The following SYNE1 variants were observed in gnomAD, a reference collection of about 807,000 sequenced individuals.
The protein encoded by SYNE1 is nesprin-1.
SYNE1 carries 616 observed loss-of-function variants against 1,111.0 expected under a neutral mutation model. The observed-to-expected ratio is 0.55, with a 90% confidence interval of 0.52 to 0.59. The LOEUF is 0.59. SYNE1 is among the 20% of genes least tolerant of loss of function. The pLI is 0.00. For missense variants in SYNE1, 10,006 were observed against 10,417.0 expected (o/e 0.96, Z 1.72); for synonymous variants, 3,855 against 3,825.8 (o/e 1.01, Z -0.28).
intron 90 of SYNE1, among the ~76,000 whole-genome samples, chr6:152,309,044 C>T (rs1419375081): frequency 1.3e-5 from 2 of 152,116 alleles, no homozygotes; most frequent in African/African-American, 4.8e-5. Flanking sequence ...ATGGGCTGGG[C>T]GCAGTGGCTC....
At chr6:152,622,647 T>G (rs1006491637) in intron 3 of SYNE1, among the ~76,000 whole-genome samples, 2 of 152,214 alleles carry the variant, frequency 1.3e-5, no homozygotes, top group Admixed American at 1.3e-4. Context: ...TGTACCACAT[T>G]TTTTTGTGCA....
In SYNE1 at chr6:152,407,174, T is replaced by C; in HGVS notation, c.6563A>G (p.Asn2188Ser). The change falls in exon 45 of 146, where the codon AAC becomes AGC. Residue 2188 changes from asparagine (N) to serine (S), a missense_variant. Coordinates refer to ENST00000367255, the MANE Select transcript of SYNE1 (RefSeq NM_182961.4). ...WLDVSEKLEENMDRLRVSLSI... is the reference protein window; with the variant it reads ...WLDVSEKLEESMDRLRVSLSI... ...CAGGCTTACTCTCAGCCTATCCATG[T>C]TTTCTTCAAGTTTCTCTGATACCTA... 2 of 1,614,026 alleles carry C rather than the reference T, an allele frequency of 1.2e-6. No homozygotes were observed. Among genetic ancestry groups the C allele is most frequent in the South Asian group, 2.2e-5 (2 of 91,072 alleles).
chr6:152,503,354 C>T (rs949838887), intron 9 of SYNE1, among the ~76,000 whole-genome samples: 7 of 152,092 alleles, frequency 4.6e-5, no homozygotes, highest in South Asian at 2.1e-4. Context: ...AAGCACTCTT[C>T]GAGGGAAACT....
chr6:152,269,232 G>A lies in SYNE1; in HGVS notation c.18628C>T (p.Pro6210Ser), dbSNP rs868377407. Residue 6210 changes from proline to serine, a missense_variant, in exon 99 of 146, where the codon CCC (proline) becomes TCC (serine). Physicochemically the swap from Pro to Ser is moderately conservative, Grantham distance 74. Transcript: ENST00000367255. ...SDVDLTATQS[P>S]GVQEWLAQAR... is the part of the protein sequence containing the mutation. ...TGGGCCAGCCATTCCTGGACGCCGGGGCTCTGCGTGGCTGTTAGGTCAACA... is the reference window on the plus strand; with the variant it reads ...TGGGCCAGCCATTCCTGGACGCCGGAGCTCTGCGTGGCTGTTAGGTCAACA... The A allele has an allele frequency of 3.3e-5, 54 of 1,614,048 alleles. No individual in the cohort carries two copies. The highest frequency in any genetic ancestry group is 5.3e-5 in the African/African-American group (4 of 74,930).
intron 8 of SYNE1, 101 bp from the exon 9 acceptor site, chr6:152,505,498 G>T: frequency 8.0e-7 from 1 of 1,247,376 alleles, no homozygotes; most frequent in Non-Finnish European, 1.1e-6. Flanking sequence ...CCAACGATAT[G>T]CAGAGAGCTG....
chr6:152,431,305 T>G (rs1423566874), intron 34 of SYNE1, among the ~76,000 whole-genome samples: 1 of 152,132 alleles, frequency 6.6e-6, no homozygotes, highest in African/African-American at 2.4e-5. Flanking sequence ...AAGTCTAAGG[T>G]GGGGCTCAAG....
chr6:152,486,126 C>T (rs879773326), intron 12 of SYNE1, among the ~76,000 whole-genome samples: 5 of 151,686 alleles, frequency 3.3e-5, no homozygotes, highest in Non-Finnish European at 4.4e-5. Context: ...GCCTGGGAGG[C>T]GGAGGTTGCA....
chr6:152,449,707 T>C, intron 27 of SYNE1, 66 bp from the exon 28 acceptor site: 3 of 1,241,804 alleles, frequency 2.4e-6, no homozygotes, highest in South Asian at 2.5e-5. Flanking sequence ...ATATGTTTTC[T>C]ATTTTGAATT....
intron 138 of SYNE1, 56 bp downstream of exon 138, chr6:152,143,562 GTTCTT>G: frequency 6.2e-7 from 1 of 1,612,534 alleles, no homozygotes; most frequent in Non-Finnish European, 8.5e-7. Flanking sequence ...CAGACGAACT[GTTCTT>G]TGACACAGAA....
chr6:152,139,110 G>C (rs776725944), intron 140 of SYNE1, among the ~76,000 whole-genome samples: 1 of 152,150 alleles, frequency 6.6e-6, no homozygotes, highest in Non-Finnish European at 1.5e-5. Context: ...GTAGGAGCCA[G>C]GTCATTCTGT....
At chr6:152,241,067 T>A (rs545724350) in intron 107 of SYNE1, among the ~76,000 whole-genome samples, 54 of 152,370 alleles carry the variant, frequency 3.5e-4, no homozygotes, top group Admixed American at 7.2e-4. Flanking sequence ...AGAAGGGCTG[T>A]CTGCTCAATG....
intron 35 of SYNE1, 24 bp downstream of exon 35, chr6:152,430,458 A>C (rs376707166): frequency 8.8e-6 from 14 of 1,587,230 alleles, no homozygotes; most frequent in Middle Eastern, 1.7e-4. Context: ...ATGTAAACTT[A>C]AGTATAGGTG....
chr6:152,383,693 T>C (rs886147739), intron 55 of SYNE1, among the ~76,000 whole-genome samples: 3 of 152,234 alleles, frequency 2.0e-5, no homozygotes, highest in African/African-American at 7.2e-5. Flanking sequence ...GCTCTATACA[T>C]AGGTCTTGGT....
chr6:152,607,080 G>A (rs2099617649), intron 3 of SYNE1, among the ~76,000 whole-genome samples: 1 of 146,134 alleles, frequency 6.8e-6, no homozygotes, highest in Non-Finnish European at 1.5e-5. Context: ...CACCTCCCGG[G>A]TTCACGCCAT....
rs148434531 is a variant in SYNE1, at chr6:152,390,285, A to G, written c.8172T>C (p.Ala2724=). The G allele has an allele frequency of 2.9e-5, 47 of 1,613,844 alleles. No individual in the cohort carries two copies. The highest frequency in any genetic ancestry group is 3.7e-5 in the Non-Finnish European group (44 of 1,179,932). The change falls in exon 53 of 146, where the codon GCT becomes GCC. Residue 2724 remains alanine (A), a synonymous_variant. Coordinates refer to ENST00000367255, the MANE Select transcript of SYNE1 (RefSeq NM_182961.4). ...WADIMSSSVH[A]QSTLESVISQ... ...TCTAAAAATAGGTTCTGTACCTTTG[A>G]GCGTGGACGGAGGAGCTCATGATGT...
Position 152,427,733 on chromosome 6 carries a change from G to C in SYNE1, c.5060C>G (p.Ala1687Gly). ...KASSPEMDIS[A>G]DRVKVEGELQ... ...TTCACCTTCCACTTTGACTCTGTCT[G>C]CAGAAATGTCCATTTCTGGGGAACT... is the stretch of plus-strand genomic sequence containing the variant. Residue 1687 changes from alanine (A) to glycine (G), a missense_variant, in exon 38 of 146, where the codon GCA becomes GGA. Physicochemically the swap from Ala to Gly is moderately conservative, Grantham distance 60. Around this residue, in one of 7 missense-constraint regions of SYNE1, gnomAD observed 1,971 missense variants for 2,084.1 expected, o/e 0.95. Coordinates refer to ENST00000367255, the MANE Select transcript of SYNE1 (RefSeq NM_182961.4). The C allele has an allele frequency of 6.2e-7, 1 of 1,614,016 alleles. No individual in the cohort carries two copies. Among genetic ancestry groups the C allele is most frequent in the Non-Finnish European group, 8.5e-7 (1 of 1,179,930 alleles).
intron 3 of SYNE1, among the ~76,000 whole-genome samples, chr6:152,553,013 A>G (rs1319510641): frequency 6.6e-6 from 1 of 152,234 alleles, no homozygotes; most frequent in Non-Finnish European, 1.5e-5. Flanking sequence ...TACTTTTAAT[A>G]ATAATAGAAA....
rs764859548 is a variant in SYNE1, at chr6:152,350,272, C to T, written c.11797G>A (p.Glu3933Lys). Reference protein sequence around the residue: ...DHEDYNSELQEVEKWLLQMSG... With the variant: ...DHEDYNSELQKVEKWLLQMSG... ...ATCTGCAGCAGCCACTTTTCGACCT[C>T]TTGGAGCTCACTGTTGTAGTCTTCA... The change falls in exon 72 of 146, where the codon GAG (glutamate) becomes AAG (lysine). Residue 3933 changes from glutamate to lysine, a missense_variant. By Grantham distance (56) the Glu-to-Lys change is moderately conservative. This residue lies in a region of SYNE1 where 4,955 missense variants were observed against 5,017.2 expected (regional missense o/e 0.99). Coordinates refer to ENST00000367255, the MANE Select transcript of SYNE1 (RefSeq NM_182961.4). 2.5e-6 allele frequency: 4 copies of T among 1,614,084 alleles called. No individual in the cohort carries two copies. The African/African-American group carries it at 4.0e-5, about 16-fold the overall frequency.
chr6:152,238,508 T>G (rs772635783), intron 108 of SYNE1, among the ~76,000 whole-genome samples: 3 of 152,170 alleles, frequency 2.0e-5, no homozygotes, highest in Non-Finnish European at 4.4e-5. Flanking sequence ...ATATAGGGAA[T>G]TCCACATCAG....
Sources: allele counts gnomAD v4.1 joint callset (sites outside exome capture counted in the v4.1 genomes callset), GRCh38; gene constraint gnomAD v4.1.1; regional missense constraint gnomAD v4.1.1; transcripts MANE v1.5; gene names NCBI Gene and HGNC (gene_info 2026-07-23, HGNC 2026-07-21).